PPP1R9A: variants seen among roughly 807,000 people sequenced by gnomAD.
PPP1R9A encodes the protein neurabin-1.
In PPP1R9A, 59 loss-of-function variants were observed where a neutral mutation model predicts 141.9. The observed-to-expected ratio is 0.42, with a 90% CI of 0.34 to 0.52. The LOEUF is 0.52. Among genes scored for constraint, PPP1R9A ranks in the 20% least tolerant of loss-of-function variants. PPP1R9A has a pLI of 0.10. For missense variants in PPP1R9A, 1,444 were observed against 1,611.9 expected (o/e 0.90, Z 1.78); for synonymous variants, 500 against 569.7 (o/e 0.88, Z 1.74).
At chr7:95,082,218 C>T (rs1159271203) in intron 2 of PPP1R9A, among the ~76,000 whole-genome samples, 1 of 152,066 alleles carries the variant, frequency 6.6e-6, no homozygotes, top group Non-Finnish European at 1.5e-5. Context: ...ATAGGGCTAA[C>T]CAAAAAACTT....
At chr7:95,141,305 G>A (rs529703973) in intron 4 of PPP1R9A, among the ~76,000 whole-genome samples, 16 of 152,236 alleles carry the variant, frequency 1.1e-4, no homozygotes, top group African/African-American at 2.9e-4. Flanking sequence ...TGGTGTTTCA[G>A]ATAAAATTGT....
At chr7:95,163,880 A>C (rs1242439891) in intron 5 of PPP1R9A, among the ~76,000 whole-genome samples, 1 of 152,118 alleles carries the variant, frequency 6.6e-6, no homozygotes, top group Admixed American at 6.6e-5. Context: ...GCTGGATTAC[A>C]GGCATCCACC....
chr7:95,247,344 C>T (rs1313672841), intron 8 of PPP1R9A, 129 bp from the exon 9 acceptor site: 1 of 635,178 alleles, frequency 1.6e-6, no homozygotes, highest in East Asian at 2.8e-5. Context: ...CTTTAATTTA[C>T]AACTTGCTGC....
At chr7:95,225,055 ATAAAGT>A (rs1163917056) in intron 7 of PPP1R9A, among the ~76,000 whole-genome samples, 2 of 152,098 alleles carry the variant, frequency 1.3e-5, no homozygotes, top group Non-Finnish European at 2.9e-5. Flanking sequence ...CTACTTTCTA[ATAAAGT>A]TAAGGAAGTT....
chr7:95,248,024 G>T (rs1167270220), intron 9 of PPP1R9A, among the ~76,000 whole-genome samples: 1 of 151,026 alleles, frequency 6.6e-6, no homozygotes, highest in Non-Finnish European at 1.5e-5. Context: ...ATTTTTAGTT[G>T]TTTGGTTCAC....
At chr7:95,272,102 G>A (rs550137741) in intron 14 of PPP1R9A, among the ~76,000 whole-genome samples, 21 of 152,240 alleles carry the variant, frequency 1.4e-4, no homozygotes, top group African/African-American at 4.1e-4. Context: ...GCTTTTAGTC[G>A]CATGATGTCC....
chr7:95,055,860 T>G (rs1311629930), intron 2 of PPP1R9A, among the ~76,000 whole-genome samples: 2 of 152,140 alleles, frequency 1.3e-5, no homozygotes, highest in Non-Finnish European at 2.9e-5. Context: ...TTCTCTCACA[T>G]AAACCATTGC....
intron 2 of PPP1R9A, among the ~76,000 whole-genome samples, chr7:95,044,380 A>G (rs1290105651): frequency 6.6e-6 from 1 of 152,200 alleles, no homozygotes; most frequent in African/African-American, 2.4e-5. Flanking sequence ...GAAAAAAAAT[A>G]TGAACATTTT....
At chr7:94,937,690 C>A (rs779309726) in intron 2 of PPP1R9A, among the ~76,000 whole-genome samples, 8 of 151,972 alleles carry the variant, frequency 5.3e-5, no homozygotes, top group Non-Finnish European at 1.2e-4. Context: ...GGGGTGAGAA[C>A]CTTTATGTAA....
intron 2 of PPP1R9A, among the ~76,000 whole-genome samples, chr7:94,915,738 C>T (rs1387310559): frequency 1.1e-4 from 17 of 152,184 alleles, no homozygotes; most frequent in Non-Finnish European, 2.4e-4. Flanking sequence ...TCACATAACC[C>T]TTCCCCATTA....
intron 12 of PPP1R9A, among the ~76,000 whole-genome samples, chr7:95,262,134 C>T (rs1377088658): frequency 6.6e-6 from 1 of 152,130 alleles, no homozygotes. Flanking sequence ...TTCTTGTAGG[C>T]AACCCTGAGT....
At chr7:95,287,067 G>A in intron 18 of PPP1R9A, 3 of 1,580,230 alleles carry the variant, frequency 1.9e-6, no homozygotes, top group South Asian at 2.2e-5. Context: ...TCCTGTTTCT[G>A]TAACACTTTT....
At chr7:95,035,023 A>G (rs573619866) in intron 2 of PPP1R9A, among the ~76,000 whole-genome samples, 9 of 152,294 alleles carry the variant, frequency 5.9e-5, no homozygotes, top group African/African-American at 2.2e-4. Flanking sequence ...TGTTTTCACT[A>G]TAATATTTTG....
At chr7:95,066,641 G>T (rs1019208024) in intron 2 of PPP1R9A, among the ~76,000 whole-genome samples, 18 of 152,146 alleles carry the variant, frequency 1.2e-4, no homozygotes, top group Admixed American at 1.0e-3. Context: ...TGAAGATAAA[G>T]TTAGGAGAAT....
At chr7:94,952,575 G>A (rs1260031985) in intron 2 of PPP1R9A, among the ~76,000 whole-genome samples, 1 of 152,178 alleles carries the variant, frequency 6.6e-6, no homozygotes, top group Non-Finnish European at 1.5e-5. Flanking sequence ...CCCACCAACA[G>A]TGTAAAAGTG....
chr7:95,090,233 G>C (rs960622015), intron 2 of PPP1R9A, among the ~76,000 whole-genome samples: 1 of 151,450 alleles, frequency 6.6e-6, no homozygotes, highest in South Asian at 2.1e-4. Flanking sequence ...GCAAATACAA[G>C]CTTATTAAAA....
chr7:95,050,405 G>A (rs969897404), intron 2 of PPP1R9A, among the ~76,000 whole-genome samples: 12 of 152,210 alleles, frequency 7.9e-5, no homozygotes, highest in African/African-American at 2.6e-4. Flanking sequence ...CATATCTGAA[G>A]GATGTGTTGC....
At chr7:95,193,958 T>G (rs1487182253) in intron 5 of PPP1R9A, among the ~76,000 whole-genome samples, 1 of 152,074 alleles carries the variant, frequency 6.6e-6, no homozygotes, top group South Asian at 2.1e-4. Context: ...TTTAAAGAAT[T>G]TATGGCTTAA....
At chr7:95,063,668 A>G (rs951320989) in intron 2 of PPP1R9A, among the ~76,000 whole-genome samples, 6 of 152,186 alleles carry the variant, frequency 3.9e-5, no homozygotes, top group Admixed American at 2.0e-4. Flanking sequence ...ATAGGTTTGC[A>G]TATTGGATGC....
Sources: allele counts gnomAD v4.1 joint callset (sites outside exome capture counted in the v4.1 genomes callset), GRCh38; gene constraint gnomAD v4.1.1; transcripts MANE v1.5; gene names NCBI Gene and HGNC (gene_info 2026-07-23, HGNC 2026-07-21).